PCBP2: variants seen among roughly 807,000 people sequenced by gnomAD.
PCBP2 encodes the protein poly(rC)-binding protein 2.
A neutral mutation model predicts 50.1 loss-of-function variants in PCBP2; 4 were observed. That is an observed-to-expected ratio of 0.08 (90% CI 0.04 to 0.18). PCBP2 has a LOEUF of 0.18. Among genes scored for constraint, PCBP2 ranks in the 10% least tolerant of loss-of-function variants. The pLI is 1.00. For synonymous variants in PCBP2, 179 were observed against 168.0 expected (o/e 1.07, Z -0.51); for missense variants, 161 against 474.3 (o/e 0.34, Z 6.14).
intron 12 of PCBP2, 116 bp downstream of exon 12, chr12:53,467,959 G>C: frequency 1.2e-6 from 1 of 849,422 alleles, no homozygotes; most frequent in Non-Finnish European, 1.9e-6. Context: ...GCAGAGAGGA[G>C]CTGAGAGAGC....
At position 53,452,389 on chromosome 12, in the gene PCBP2, A is replaced by T. The variant is rs1361910621; in HGVS notation, c.-76+13A>T. On this transcript the variant is annotated intron_variant, in intron 1 of 14. Transcript: ENST00000546463. ...CTCGCGCCTGCAGGTAAGCCTAAAA[A>T]TTTCCCTTGCGCCCCCGGCTATGGC... 2 of 146,476 alleles carry T rather than the reference A, an allele frequency of 1.4e-5. No individual in the cohort carries two copies. Among genetic ancestry groups the T allele is most frequent in the Non-Finnish European group, 3.0e-5 (2 of 66,484 alleles). The allele number at this position is 146,476 out of a possible 1,614,324, so 9.1% of individuals were successfully genotyped here.
intron 14 of PCBP2, among the ~76,000 whole-genome samples, chr12:53,477,757 T>C (rs1463633986): frequency 2.6e-5 from 4 of 151,882 alleles, no homozygotes; most frequent in Non-Finnish European, 5.9e-5. Context: ...AAATAGTTTG[T>C]AGTCGAAGGA....
chr12:53,455,202 T>C (rs1191733751), intron 2 of PCBP2, 145 bp from the exon 3 acceptor site: 1 of 735,720 alleles, frequency 1.4e-6, no homozygotes, highest in East Asian at 2.7e-5. Flanking sequence ...TTAGCATAGA[T>C]AGCAGTCTGT....
chr12:53,457,356 ATTTATTTT>A (rs1052785169), intron 5 of PCBP2, among the ~76,000 whole-genome samples: 6 of 149,892 alleles, frequency 4.0e-5, no homozygotes, highest in Non-Finnish European at 7.4e-5. Flanking sequence ...CCAGCCTGGA[ATTTATTTT>A]TTTATTTTTT....
chr12:53,471,347 A>G (rs1411532204), intron 13 of PCBP2, among the ~76,000 whole-genome samples: 2 of 151,684 alleles, frequency 1.3e-5, no homozygotes, highest in Non-Finnish European at 2.9e-5. Context: ...TGGGAGGCCA[A>G]GGTGGGTGGA....
chr12:53,460,670 C>G (rs1017503738), intron 6 of PCBP2: 9 of 231,962 alleles, frequency 3.9e-5, no homozygotes, highest in African/African-American at 1.8e-4. Context: ...AATATTTTTT[C>G]AGTAACATAA....
chr12:53,460,312 C>T (rs989979915), intron 6 of PCBP2: 1 of 319,318 alleles, frequency 3.1e-6, no homozygotes, highest in Non-Finnish European at 6.3e-6. Flanking sequence ...GCTAATTTTT[C>T]TTCTTTCTGT....
At chr12:53,468,948 G>C in intron 13 of PCBP2, 116 bp downstream of exon 13, 3 of 754,082 alleles carry the variant, frequency 4.0e-6, no homozygotes, top group Non-Finnish European at 6.5e-6. Context: ...AACAGCCCAG[G>C]CTGTAGTGCA....
rs1195415295 is a variant in PCBP2 at position 53,452,150 on chromosome 12, TCCCGCCCGCCCGCCCTCCGCCCG to T, written c.-290_-268del. 2 of 51,134 alleles carry T rather than the reference TCCCGCCCGCCCGCCCTCCGCCCG, an allele frequency of 3.9e-5. No individual in the cohort carries two copies. The highest frequency in any genetic ancestry group is 7.3e-5 in the Non-Finnish European group (2 of 27,368). The allele number at this position is 51,134 out of a possible 1,614,324, so 3.2% of individuals were successfully genotyped here. On this transcript the variant is annotated 5_prime_UTR_variant, in exon 1 of 15. Transcript: ENST00000546463. ...CGGAGCAGCCGCAGCCTGCGCCCTC[TCCCGCCCGCCCGCCCTCCGCCCG>T]CCCGCCCGCCCTCCGCCGCCCTCCA...
At chr12:53,475,139 T>TACCACC (rs878857120) in intron 14 of PCBP2, 1 of 456,234 alleles carries the variant, frequency 2.2e-6, no homozygotes, top group African/African-American at 2.0e-5. Context: ...GGGCTTCAGC[T>TACCACC]ACCACCACCA....
chr12:53,479,339 A>C (rs2137151098), intron 14 of PCBP2, 67 bp from the exon 15 acceptor site: 1 of 1,366,098 alleles, frequency 7.3e-7, no homozygotes, highest in East Asian at 2.3e-5. Context: ...CATTTCATGA[A>C]CCAGGTAGAG....
chr12:53,468,995 C>T (rs754217627), intron 13 of PCBP2, among the ~76,000 whole-genome samples, 163 bp downstream of exon 13: 11 of 151,696 alleles, frequency 7.3e-5, no homozygotes, highest in East Asian at 1.9e-4. Context: ...CTCCGCCTCC[C>T]GGGTTCAACC....
Position 53,454,834 on chromosome 12 carries a change from G to A in PCBP2, c.34G>A (p.Val12Ile). The change falls in exon 2 of 15, where the codon GTC (valine) becomes ATC (isoleucine). Residue 12 changes from valine (V) to isoleucine (I), a missense_variant. Around this residue, in one of 7 missense-constraint regions of PCBP2, gnomAD observed 11 missense variants for 16.4 expected, o/e 0.67. Transcript: ENST00000546463. ...CGGTGTGATTGAAGGTGGATTAAAT[G>A]TCACTCTCACCATCCGGCTACTTAT... Reference protein sequence around the residue: ...DTGVIEGGLNVTLTIRLLMHG... With the variant: ...DTGVIEGGLNITLTIRLLMHG... The A allele has an allele frequency of 6.2e-7, 1 of 1,614,132 alleles. No homozygotes were observed. The highest frequency in any genetic ancestry group is 1.3e-5 in the African/African-American group (1 of 75,034).
intron 7 of PCBP2, among the ~76,000 whole-genome samples, chr12:53,462,026 A>C (rs1941486698): frequency 6.6e-6 from 1 of 152,130 alleles, no homozygotes; most frequent in Non-Finnish European, 1.5e-5. Context: ...TGGAATTTTC[A>C]AGTAGAGATT....
chr12:53,476,187 T>C (rs1423825574), intron 14 of PCBP2: 11 of 152,208 alleles, frequency 7.2e-5, no homozygotes, highest in Non-Finnish European at 1.6e-4. Context: ...ACCAAGTTTC[T>C]TTACCCTTTT....
At chr12:53,462,665 A>G in intron 8 of PCBP2, 98 bp downstream of exon 8, 1 of 893,378 alleles carries the variant, frequency 1.1e-6, no homozygotes, top group Non-Finnish European at 1.8e-6. Flanking sequence ...ATGCTTGCTG[A>G]AACCTATACT....
intron 5 of PCBP2, among the ~76,000 whole-genome samples, chr12:53,458,423 A>C (rs1181588793): frequency 6.6e-6 from 1 of 151,260 alleles, no homozygotes; most frequent in Non-Finnish European, 1.5e-5. Context: ...CTCCTGCCTC[A>C]GTCTCCCGAG....
At chr12:53,458,134 G>C (rs1048836070) in intron 5 of PCBP2, among the ~76,000 whole-genome samples, 1 of 151,734 alleles carries the variant, frequency 6.6e-6, no homozygotes, top group South Asian at 2.1e-4. Flanking sequence ...TCACCATGTT[G>C]GCCAGGCTGG....
chr12:53,452,394 C>T lies in PCBP2; in HGVS notation c.-76+18C>T, dbSNP rs908802721. On this transcript the variant is annotated intron_variant, in intron 1 of 14. Coordinates refer to ENST00000546463, the MANE Select transcript of PCBP2 (RefSeq NM_031989.5). ...GCCTGCAGGTAAGCCTAAAAATTTC[C>T]CTTGCGCCCCCGGCTATGGCTACAA... The T allele has an allele frequency of 1.4e-5, 2 of 147,906 alleles. No individual in the cohort carries two copies. Among genetic ancestry groups the T allele is most frequent in the African/African-American group, 5.0e-5 (2 of 40,016 alleles). 9.2% of individuals were successfully genotyped at this position (147,906 alleles called of 1,614,324 possible). A position where few individuals can be genotyped will look rare whatever the true frequency, so the allele number is the denominator to read the frequency against.
Sources: allele counts gnomAD v4.1 joint callset (sites outside exome capture counted in the v4.1 genomes callset), GRCh38; gene constraint gnomAD v4.1.1; regional missense constraint gnomAD v4.1.1; transcripts MANE v1.5; gene names NCBI Gene and HGNC (gene_info 2026-07-23, HGNC 2026-07-21).